Variants in MZT2A observed in about 807,000 individuals in gnomAD.
MZT2A encodes the protein mitotic-spindle organizing protein 2A.
In MZT2A, 8 loss-of-function variants were observed where a neutral mutation model predicts 12.4. The ratio of observed to expected loss-of-function variants is 0.64; its 90% CI spans 0.38 to 1.16. MZT2A has a LOEUF of 1.16. Ranked by LOEUF, MZT2A falls within the 50% of genes most tolerant of loss-of-function variation. The pLI is 0.01. For synonymous variants in MZT2A, 88 were observed against 107.5 expected (o/e 0.82, Z 1.12); for missense variants, 181 against 223.6 (o/e 0.81, Z 1.22).
chr2:131,484,302 ATT>A, intron 2 of MZT2A, 84 bp from the exon 3 acceptor site: 1 of 1,562,522 alleles, frequency 6.4e-7, no homozygotes, highest in Non-Finnish European at 8.7e-7. Context: ...CTTGGGCAAC[ATT>A]TGTGTCTACA....
At chr2:131,485,981 G>A (rs1174008274) in intron 2 of MZT2A, among the ~76,000 whole-genome samples, 2 of 151,524 alleles carry the variant, frequency 1.3e-5, no homozygotes, top group South Asian at 2.1e-4. Flanking sequence ...ATGAGTTTCC[G>A]GGGAGTTCTT....
upstream of MZT2A, chr2:131,493,162 C>T: frequency 7.0e-7 from 1 of 1,431,190 alleles, no homozygotes; most frequent in Non-Finnish European, 9.1e-7. Context: ...GGGACGCGCG[C>T]GTGAGACGGT....
chr2:131,485,357 C>G (rs1679014219), intron 2 of MZT2A, among the ~76,000 whole-genome samples: 1 of 152,174 alleles, frequency 6.6e-6, no homozygotes, highest in Non-Finnish European at 1.5e-5. Flanking sequence ...AGGTTGTTGC[C>G]TGGAACACTG....
chr2:131,476,853 C>T (rs1315665101), intron 2 of MZT2A, among the ~76,000 whole-genome samples: 3 of 149,946 alleles, frequency 2.0e-5, no homozygotes, highest in Non-Finnish European at 2.9e-5. Flanking sequence ...GAGGATCAGC[C>T]GAGCCTGGAA....
downstream of MZT2A, among the ~76,000 whole-genome samples, chr2:131,479,839 C>A (rs1678792913): frequency 6.8e-6 from 1 of 147,384 alleles, no homozygotes; most frequent in South Asian, 2.1e-4. Flanking sequence ...GATTCCGTCT[C>A]AAACAAACAA....
chr2:131,480,248 CA>C, downstream of MZT2A: 2 of 1,614,036 alleles, frequency 1.2e-6, no homozygotes, highest in Non-Finnish European at 1.7e-6. Flanking sequence ...TGGAGCCCTA[CA>C]ACTCCATCCT....
intron 2 of MZT2A, among the ~76,000 whole-genome samples, chr2:131,475,900 C>G (rs1363486241): frequency 2.0e-5 from 3 of 152,144 alleles, no homozygotes; most frequent in Admixed American, 6.5e-5. Flanking sequence ...CAACCCTGGT[C>G]AGAAGACACC....
chr2:131,476,197 G>C (rs200249448), intron 2 of MZT2A: 1 of 1,613,836 alleles, frequency 6.2e-7, no homozygotes, highest in African/African-American at 1.3e-5. Context: ...AGCGGAGTTC[G>C]CCATGGTAAG....
chr2:131,493,004 C>A, upstream of MZT2A: 1 of 1,507,416 alleles, frequency 6.6e-7, no homozygotes, highest in Non-Finnish European at 8.9e-7. Context: ...TTTGAGGTAA[C>A]GGCCCAAAGA....
At chr2:131,490,109 G>T (rs1679227501) in intron 2 of MZT2A, 10 of 711,686 alleles carry the variant, frequency 1.4e-5, no homozygotes, top group African/African-American at 1.2e-4. Context: ...TGAGGTGGCC[G>T]CTGTCAGGAG....
At chr2:131,479,228 G>C (rs1678768506), downstream of MZT2A, 1 of 1,549,804 alleles carries the variant, frequency 6.5e-7, no homozygotes, top group Admixed American at 1.9e-5. Context: ...GTGCTCTGTA[G>C]AAGTGAACAC....
upstream of MZT2A, chr2:131,493,266 G>C (rs1344994512): frequency 2.3e-5 from 31 of 1,339,142 alleles, no homozygotes; most frequent in African/African-American, 1.1e-4. Flanking sequence ...CTCTGCCCAG[G>C]CCGGGCAGGC....
chr2:131,479,317 G>A (rs758590519), downstream of MZT2A: 11 of 1,613,800 alleles, frequency 6.8e-6, no homozygotes, highest in African/African-American at 8.0e-5. Flanking sequence ...GATGAAGTGC[G>A]CACAGGGACC....
intron 2 of MZT2A, chr2:131,478,860 C>G: frequency 4.8e-6 from 1 of 208,322 alleles, no homozygotes; most frequent in Non-Finnish European, 9.6e-6. Context: ...TTTCAGTGGC[C>G]CCCCAGGAGA....
At chr2:131,472,058 A>G in intron 3 of MZT2A, 1 of 1,289,644 alleles carries the variant, frequency 7.8e-7, no homozygotes, top group South Asian at 1.2e-5. Flanking sequence ...CCCAGAACCG[A>G]ACTGCCTACC....
intron 2 of MZT2A, chr2:131,478,614 G>A: frequency 1.4e-6 from 1 of 724,320 alleles, no homozygotes; most frequent in Non-Finnish European, 2.2e-6. Flanking sequence ...TTTGCCAGCA[G>A]TAAGATGGGC....
upstream of MZT2A, chr2:131,493,057 C>A (rs1679416269): frequency 6.7e-7 from 1 of 1,490,252 alleles, no homozygotes; most frequent in Admixed American, 2.4e-5. Context: ...CGTGGCTCTG[C>A]GCGCAGCTTG....
At chr2:131,482,167 G>T (rs2695517), downstream of MZT2A, among the ~76,000 whole-genome samples, 1 of 152,206 alleles carries the variant, frequency 6.6e-6, no homozygotes, top group Non-Finnish European at 1.5e-5. Context: ...ATAGCATGGG[G>T]AAGAGTTGTG....
intron 2 of MZT2A, chr2:131,476,041 C>T: frequency 7.1e-7 from 1 of 1,405,594 alleles, no homozygotes; most frequent in Admixed American, 2.1e-5. Flanking sequence ...ATCCGGCCCT[C>T]AGCCCGCCTC....
Sources: gnomAD v4.1 joint callset for allele counts (sites outside exome capture counted in the v4.1 genomes callset) on GRCh38, gnomAD v4.1.1 for gene constraint, MANE v1.5 for transcripts, NCBI Gene and HGNC (gene_info 2026-07-23, HGNC 2026-07-21) for gene names.